Variants in TBC1D5 observed in about 807,000 individuals in gnomAD.
TBC1D5 encodes TBC1 domain family, member 5.
TBC1D5 carries 75 observed loss-of-function variants against 100.3 expected under a neutral mutation model. The ratio of observed to expected loss-of-function variants is 0.75; its 90% confidence interval spans 0.62 to 0.91. TBC1D5 has a LOEUF of 0.91. Among genes scored for constraint, TBC1D5 ranks in the 40% least tolerant of loss-of-function variants. The pLI, the probability that TBC1D5 is intolerant of heterozygous loss-of-function variation, is 0.00. For synonymous variants in TBC1D5, 323 were observed against 325.6 expected (o/e 0.99, Z 0.09); for missense variants, 910 against 942.4 (o/e 0.97, Z 0.45).
intron 19 of TBC1D5, 38 bp from the exon 21 acceptor site, chr3:17,167,866 T>G: frequency 6.9e-7 from 1 of 1,452,228 alleles, no homozygotes; most frequent in Non-Finnish European, 9.5e-7. Context: ...ACCAATGCTC[T>G]GAGCATAACC....
intron 1 of TBC1D5, among the ~76,000 whole-genome samples, chr3:17,640,475 G>C: frequency 6.6e-6 from 1 of 151,028 alleles, no homozygotes; most frequent in South Asian, 2.1e-4. Flanking sequence ...CCTCTTAAAA[G>C]AAGAATTATT....
At chr3:17,580,712 C>T (rs561398140) in intron 2 of TBC1D5, among the ~76,000 whole-genome samples, 2 of 152,286 alleles carry the variant, frequency 1.3e-5, no homozygotes, top group African/African-American at 4.8e-5. Flanking sequence ...TCTCCTCCCA[C>T]TCTCCCTTGA....
intron 4 of TBC1D5, among the ~76,000 whole-genome samples, chr3:17,427,090 A>C (rs2094352067): frequency 6.6e-6 from 1 of 152,056 alleles, no homozygotes; most frequent in Admixed American, 6.5e-5. Context: ...AGTATGCCAA[A>C]TACAAGCTTT....
intron 18 of TBC1D5, among the ~76,000 whole-genome samples, chr3:17,211,504 C>CTAT (rs1262815210): frequency 6.6e-6 from 1 of 152,204 alleles, no homozygotes; most frequent in African/African-American, 2.4e-5. Flanking sequence ...CTTTTGCTGA[C>CTAT]ATAGGGAAGG....
At chr3:17,468,366 T>G (rs1034617766) in intron 3 of TBC1D5, among the ~76,000 whole-genome samples, 1 of 152,170 alleles carries the variant, frequency 6.6e-6, no homozygotes, top group East Asian at 1.9e-4. Flanking sequence ...CTCCTTTATC[T>G]CCCTTAAATA....
intron 1 of TBC1D5, among the ~76,000 whole-genome samples, chr3:17,724,574 T>C (rs898003621): frequency 2.6e-5 from 4 of 152,238 alleles, no homozygotes; most frequent in African/African-American, 7.2e-5. Context: ...CATTTTACTA[T>C]GATGTCTCTA....
At chr3:17,181,202 C>G (rs2068419535) in intron 19 of TBC1D5, among the ~76,000 whole-genome samples, 1 of 152,132 alleles carries the variant, frequency 6.6e-6, no homozygotes, top group African/African-American at 2.4e-5. Context: ...CTAGCACATC[C>G]CAAATTCCAG....
chr3:17,471,440 A>C (rs916538082), intron 3 of TBC1D5, among the ~76,000 whole-genome samples: 3 of 152,210 alleles, frequency 2.0e-5, no homozygotes, highest in South Asian at 4.1e-4. Context: ...GAAAACAATC[A>C]TAAGTATAAT....
At chr3:17,690,154 A>G (rs1210122871) in intron 1 of TBC1D5, among the ~76,000 whole-genome samples, 2 of 152,110 alleles carry the variant, frequency 1.3e-5, no homozygotes, top group Admixed American at 1.3e-4. Context: ...ATATGGAAAA[A>G]TAACCATTAT....
chr3:17,286,020 T>C (rs183486871), intron 15 of TBC1D5, among the ~76,000 whole-genome samples: 137 of 152,316 alleles, frequency 9.0e-4, no homozygotes, highest in Non-Finnish European at 1.4e-3. Flanking sequence ...TTACTAGAAA[T>C]ATTTTTTCCC....
chr3:17,252,112 G>A (rs1372051953), intron 16 of TBC1D5, among the ~76,000 whole-genome samples: 2 of 151,982 alleles, frequency 1.3e-5, no homozygotes, highest in African/African-American at 4.8e-5. Flanking sequence ...TCTTTCTCCT[G>A]TGAAGAGGTG....
At chr3:17,463,943 CTTTTTTTTTTT>C (rs1025162858) in intron 3 of TBC1D5, among the ~76,000 whole-genome samples, 2 of 87,512 alleles carry the variant, frequency 2.3e-5, no homozygotes, top group Non-Finnish European at 2.1e-5. Flanking sequence ...TTCCTTATTC[CTTTTTTTTTTT>C]TTTTTTTTTT....
Position 17,353,825 on chromosome 3 carries a change from T to C in TBC1D5, c.995+18250A>G, listed in dbSNP as rs531921470. On this transcript the variant is annotated intron_variant, in intron 13 of 21. Transcript: ENST00000253692. ...AGGCATTTATTAGCAGCAAGCTCCATTATGGATTTCTGAGCTTTGTAAGCC... is the reference window on the plus strand; with the variant it reads ...AGGCATTTATTAGCAGCAAGCTCCACTATGGATTTCTGAGCTTTGTAAGCC... 1.4e-4 allele frequency among the ~76,000 whole-genome samples: 22 copies of C among 152,160 alleles called. No individual in the cohort carries two copies. In the East Asian group the frequency reaches 3.5e-3, roughly 24 times the overall value.
At chr3:17,645,386 A>G (rs1198592721) in intron 1 of TBC1D5, among the ~76,000 whole-genome samples, 3 of 152,156 alleles carry the variant, frequency 2.0e-5, no homozygotes, top group Non-Finnish European at 4.4e-5. Flanking sequence ...TCTACTGTAT[A>G]ATTATACTTG....
intron 15 of TBC1D5, among the ~76,000 whole-genome samples, chr3:17,285,499 A>T (rs2081096336): frequency 6.6e-6 from 1 of 151,608 alleles, no homozygotes; most frequent in Admixed American, 6.6e-5. Flanking sequence ...TGACCTCGTG[A>T]TCCGCCCGCC....
intron 15 of TBC1D5, among the ~76,000 whole-genome samples, chr3:17,267,459 G>A (rs181909214): frequency 1.3e-5 from 2 of 151,876 alleles, no homozygotes; most frequent in Admixed American, 6.6e-5. Flanking sequence ...TCCTAAGAGC[G>A]GTTCCCAATC....
chr3:17,555,842 C>G (rs949394240), intron 2 of TBC1D5, among the ~76,000 whole-genome samples: 4 of 152,116 alleles, frequency 2.6e-5, no homozygotes, highest in Non-Finnish European at 5.9e-5. Flanking sequence ...TGCCTGAACT[C>G]CAAAGCAAGA....
At chr3:17,413,915 A>G (rs554028981) in intron 4 of TBC1D5, among the ~76,000 whole-genome samples, 72 of 152,326 alleles carry the variant, frequency 4.7e-4, no homozygotes, top group Non-Finnish European at 9.4e-4. Flanking sequence ...ATTGGTTAAG[A>G]GGAGCTACTT....
At chr3:17,448,627 C>G (rs1444255198) in intron 3 of TBC1D5, among the ~76,000 whole-genome samples, 2 of 152,170 alleles carry the variant, frequency 1.3e-5, no homozygotes, top group Non-Finnish European at 2.9e-5. Flanking sequence ...TGACCAGGTG[C>G]CTTATCAAAG....
Sources: allele counts gnomAD v4.1 joint callset (sites outside exome capture counted in the v4.1 genomes callset), GRCh38; gene constraint gnomAD v4.1.1; transcripts MANE v1.5; gene names NCBI Gene and HGNC (gene_info 2026-07-23, HGNC 2026-07-21).